The following WWP2 variants were observed in gnomAD, a reference collection of about 807,000 sequenced individuals.
The protein encoded by WWP2 is NEDD4-like E3 ubiquitin-protein ligase WWP2.
A neutral mutation model predicts 121.0 loss-of-function variants in WWP2; 57 were observed. The ratio of observed to expected loss-of-function variants is 0.47; its 90% CI spans 0.38 to 0.59. The LOEUF (loss-of-function observed/expected upper bound fraction) is 0.59, where lower values mean the gene tolerates loss of function less well. WWP2 is among the 20% of genes least tolerant of loss of function. The pLI is 0.00. For synonymous variants in WWP2, 449 were observed against 441.3 expected, an observed-to-expected ratio of 1.02 and a Z score of -0.22; for missense variants, 962 against 1,158.9, an observed-to-expected ratio of 0.83 and a Z score of 2.47.
chr16:69,815,606 T>G (rs1425077360), intron 4 of WWP2, among the ~76,000 whole-genome samples: 2 of 151,420 alleles, frequency 1.3e-5, no homozygotes, highest in African/African-American at 4.9e-5. Flanking sequence ...GCCAATGTGG[T>G]GAAACCCCCG....
intron 8 of WWP2, among the ~76,000 whole-genome samples, chr16:69,899,381 C>T (rs1225907361): frequency 6.6e-6 from 1 of 152,076 alleles, no homozygotes; most frequent in East Asian, 1.9e-4. Context: ...TATACACATT[C>T]CACATTTTAT....
intron 8 of WWP2, among the ~76,000 whole-genome samples, chr16:69,891,743 A>G (rs2058032090): frequency 6.6e-6 from 1 of 152,058 alleles, no homozygotes; most frequent in African/African-American, 2.4e-5. Flanking sequence ...CTCCTGACTC[A>G]CTACCTGGAC....
chr16:69,777,540 A>T (rs746695444), intron 1 of WWP2, among the ~76,000 whole-genome samples: 1 of 151,570 alleles, frequency 6.6e-6, no homozygotes, highest in African/African-American at 2.4e-5. Flanking sequence ...ACCTCAAGCA[A>T]TTCACCCACC....
In WWP2 at chr16:69,936,453, G is replaced by A; in HGVS notation, c.2117+1G>A. The A allele has an allele frequency of 6.2e-7, 1 of 1,614,018 alleles. No individual in the cohort carries two copies. Among genetic ancestry groups the A allele is most frequent in the Non-Finnish European group, 8.5e-7 (1 of 1,180,016 alleles). The stretch of plus-strand genomic sequence containing the variant: ...AGGAGAACAAGGAAGAGTACATCAT[G>A]TGAGTCTCAGGCGCCGGGGGCTCCG... On this transcript the variant is annotated splice_donor_variant, in intron 19 of 23. Transcript: ENST00000359154. LOFTEE classifies it high-confidence loss of function.
In WWP2 at chr16:69,810,303, C is replaced by T. The variant is rs1391928544; in HGVS notation, c.340+11008C>T. On this transcript the variant is annotated intron_variant, in intron 4 of 23. Coordinates refer to ENST00000359154, the MANE Select transcript of WWP2 (RefSeq NM_001270454.2). ...CTGGGCTGACTTCTCTCTGAGGGGA[C>T]ATTCGCCCTGGCCATGGCTGCAAAA... Among the ~76,000 whole-genome samples the T allele has an allele frequency of 1.2e-4, 5 of 41,268 alleles. No homozygotes were observed. In the Admixed American group the frequency reaches 1.9e-3, roughly 16 times the overall value. The allele number at this position is 41,268 out of a possible 152,430, so 27.1% of individuals were successfully genotyped here.
intron 7 of WWP2, 53 bp from the exon 8 acceptor site, chr16:69,887,986 A>T: frequency 6.3e-7 from 1 of 1,597,532 alleles, no homozygotes; most frequent in Admixed American, 1.7e-5. Flanking sequence ...AGCAAGTATA[A>T]ATAAAATTCT....
chr16:69,918,152 T>C lies in WWP2; in HGVS notation c.1179+269T>C, dbSNP rs58991135. ...GTCTTTCTTCCGAGATCGGCTTTCA[T>C]TTCTGCCCCCTTCATTCAAGTCCAT... On this transcript the variant is annotated intron_variant, in intron 10 of 23. Coordinates refer to ENST00000359154, the MANE Select transcript of WWP2 (RefSeq NM_001270454.2). 2.9e-3 allele frequency among the ~76,000 whole-genome samples: 438 copies of C among 152,328 alleles called. 20 individuals are homozygous for C. The East Asian group carries it at 0.076, about 26-fold the overall frequency.
intron 6 of WWP2, among the ~76,000 whole-genome samples, chr16:69,857,032 G>T (rs2057327959): frequency 6.6e-6 from 1 of 152,086 alleles, no homozygotes; most frequent in Non-Finnish European, 1.5e-5. Context: ...GATATCTTTA[G>T]AGTTGTTTTC....
At chr16:69,804,725 T>A (rs76525814) in intron 4 of WWP2, among the ~76,000 whole-genome samples, 8,881 of 152,170 alleles carry the variant, frequency 0.058, 850 homozygotes, top group African/African-American at 0.2. Context: ...CCATGCCCCC[T>A]AAAAAATCTC....
intron 6 of WWP2, among the ~76,000 whole-genome samples, chr16:69,849,261 G>A (rs138927446): frequency 5.3e-5 from 8 of 152,278 alleles, no homozygotes; most frequent in African/African-American, 1.4e-4. Flanking sequence ...CTGAGCCTTG[G>A]GCACTAGGCC....
chr16:69,912,728 GT>G (rs2058399281), intron 9 of WWP2, among the ~76,000 whole-genome samples: 1 of 150,984 alleles, frequency 6.6e-6, no homozygotes, highest in Admixed American at 6.6e-5. Context: ...CTCAGTCAGT[GT>G]TTTAGTGGCT....
At chr16:69,787,162 C>A in intron 2 of WWP2, 82 bp downstream of exon 2, 1 of 1,196,326 alleles carries the variant, frequency 8.4e-7, no homozygotes, top group Non-Finnish European at 1.2e-6. Flanking sequence ...TCTGGGGAGC[C>A]AAATTTTGTG....
At position 69,862,018 on chromosome 16, in the gene WWP2, T is replaced by A. The variant is rs147117683; in HGVS notation, c.576-9786T>A. Among the ~76,000 whole-genome samples, 333 of 152,300 alleles carry A rather than the reference T, an allele frequency of 2.2e-3. 2 individuals carry two copies. The highest frequency in any genetic ancestry group is 5.4e-3 in the South Asian group (26 of 4,828). On this transcript the variant is annotated intron_variant, in intron 6 of 23. Transcript: ENST00000359154. ...GAGGAGTTTTATTAGGTAATTTTAC[T>A]TTTTGTGCCTGTTTTATAGGAGGAA...
At chr16:69,880,683 A>C (rs571023869) in intron 7 of WWP2, among the ~76,000 whole-genome samples, 27 of 152,228 alleles carry the variant, frequency 1.8e-4, no homozygotes, top group Non-Finnish European at 2.8e-4. Flanking sequence ...ATCTTTGTCC[A>C]GTTTTGGTTG....
chr16:69,768,667 A>T (rs1182947915), intron 1 of WWP2, among the ~76,000 whole-genome samples: 1 of 152,126 alleles, frequency 6.6e-6, no homozygotes, highest in South Asian at 2.1e-4. Context: ...GTCCTGACCT[A>T]GGGCCCGTCC....
At chr16:69,816,731 GCACACGTATACATATA>G (rs1257415945) in intron 4 of WWP2, among the ~76,000 whole-genome samples, 5 of 151,634 alleles carry the variant, frequency 3.3e-5, no homozygotes, top group Admixed American at 6.6e-5. Flanking sequence ...ATACACACAT[GCACACGTATACATATA>G]CACACGTATA....
At chr16:69,875,324 C>G (rs1458642268) in intron 7 of WWP2, among the ~76,000 whole-genome samples, 1 of 152,226 alleles carries the variant, frequency 6.6e-6, no homozygotes, top group African/African-American at 2.4e-5. Context: ...CAGTGGAAAT[C>G]TCTTCACTGG....
At chr16:69,831,003 A>G (rs2056784120) in intron 4 of WWP2, among the ~76,000 whole-genome samples, 1 of 152,074 alleles carries the variant, frequency 6.6e-6, no homozygotes, top group South Asian at 2.1e-4. Flanking sequence ...CTGTTAATGA[A>G]GTGCTGCTTA....
intron 1 of WWP2, among the ~76,000 whole-genome samples, chr16:69,777,787 C>A (rs1196202020): frequency 2.0e-5 from 3 of 150,396 alleles, no homozygotes; most frequent in Non-Finnish European, 3.0e-5. Context: ...ATTTTTGAGA[C>A]CAAGTGTGGT....
Sources: gnomAD v4.1 joint callset for allele counts (sites outside exome capture counted in the v4.1 genomes callset) on GRCh38, gnomAD v4.1.1 for gene constraint, MANE v1.5 for transcripts, NCBI Gene and HGNC (gene_info 2026-07-23, HGNC 2026-07-21) for gene names.